Variants in ADGRB1 observed in about 807,000 individuals in gnomAD.
The protein encoded by ADGRB1 is adhesion G protein-coupled receptor B1, also known as brain-specific angiogenesis inhibitor 1.
ADGRB1 carries 36 observed loss-of-function variants against 175.7 expected under a neutral mutation model. The observed-to-expected ratio is 0.20, with a 90% CI of 0.16 to 0.27. The LOEUF is 0.27. Among genes scored for constraint, ADGRB1 ranks in the 10% least tolerant of loss-of-function variants. The pLI, the probability that ADGRB1 is intolerant of heterozygous loss-of-function variation, is 1.00. For synonymous variants in ADGRB1, 1,054 were observed against 979.4 expected (o/e 1.08, Z -1.42); for missense variants, 1,731 against 2,255.3 (o/e 0.77, Z 4.71).
intron 6 of ADGRB1, 78 bp from the exon 7 acceptor site, chr8:142,478,109 G>A: frequency 6.5e-7 from 1 of 1,537,308 alleles, no homozygotes; most frequent in Non-Finnish European, 8.8e-7. Context: ...AGCACCCAGG[G>A]TGCTCACACC....
At chr8:142,528,780 G>T (rs368151223) in intron 24 of ADGRB1, among the ~76,000 whole-genome samples, 1 of 152,042 alleles carries the variant, frequency 6.6e-6, no homozygotes, top group South Asian at 2.1e-4. Flanking sequence ...GGCCACTCCC[G>T]TCCCCCCGAT....
chr8:142,471,767 C>T (rs1180428774), intron 2 of ADGRB1, among the ~76,000 whole-genome samples: 6 of 152,212 alleles, frequency 3.9e-5, no homozygotes, highest in Non-Finnish European at 4.4e-5. Flanking sequence ...GCCTCTGTGG[C>T]GGGAGGAAGG....
chr8:142,498,943 G>A (rs979447853), intron 17 of ADGRB1, among the ~76,000 whole-genome samples: 1 of 152,136 alleles, frequency 6.6e-6, no homozygotes, highest in Non-Finnish European at 1.5e-5. Context: ...TGCCTCCCCG[G>A]GGCCCCAGCC....
At chr8:142,532,767 C>T (rs1452441402) in intron 24 of ADGRB1, among the ~76,000 whole-genome samples, 1 of 152,126 alleles carries the variant, frequency 6.6e-6, no homozygotes, top group Non-Finnish European at 1.5e-5. Context: ...TCGCCTGGGG[C>T]CTGTGGGCTC....
chr8:142,513,452 C>T (rs1843215791), intron 18 of ADGRB1, among the ~76,000 whole-genome samples: 1 of 152,332 alleles, frequency 6.6e-6, no homozygotes, highest in East Asian at 1.9e-4. Flanking sequence ...GGGCTGGCCC[C>T]CTTGATGCTG....
At chr8:142,519,804 ATGGTGT>A (rs1843665956) in intron 19 of ADGRB1, among the ~76,000 whole-genome samples, 2 of 120,116 alleles carry the variant, frequency 1.7e-5, no homozygotes, top group Non-Finnish European at 3.5e-5. Flanking sequence ...GGTGGTTGTG[ATGGTGT>A]TGGTGCTGGT....
intron 17 of ADGRB1, among the ~76,000 whole-genome samples, chr8:142,500,756 G>A (rs1221257445): frequency 1.3e-5 from 2 of 152,164 alleles, no homozygotes; most frequent in Admixed American, 1.3e-4. Context: ...TGAGCAAGGA[G>A]GGCAGAGTGG....
intron 2 of ADGRB1, among the ~76,000 whole-genome samples, chr8:142,466,416 G>C (rs1382366179): frequency 2.0e-5 from 3 of 152,240 alleles, no homozygotes; most frequent in African/African-American, 7.2e-5. Flanking sequence ...CCTCTGTGAG[G>C]CCGTGAGTGG....
Position 142,479,430 on chromosome 8 carries a change from G to A in ADGRB1, c.1669G>A (p.Ala557Thr). The part of the protein sequence containing the change: ...RVCSGPFFGG[A>T]ACQGPQDEYR... The stretch of plus-strand genomic sequence containing the variant: ...CTGCTCTGGGCCCTTCTTCGGGGGA[G>A]CAGCCTGCCAGGGCCCCCAGGATGA... Residue 557 changes from alanine (A) to threonine (T), a missense_variant, in exon 8 of 31, where the codon GCA becomes ACA. Physicochemically the swap from Ala to Thr is moderately conservative, Grantham distance 58. Transcript: ENST00000517894. The A allele has an allele frequency of 5.8e-6, 9 of 1,549,594 alleles. No homozygotes were observed. The highest frequency in any genetic ancestry group is 7.8e-6 in the Non-Finnish European group (9 of 1,153,280).
intron 23 of ADGRB1, 34 bp downstream of exon 23, chr8:142,524,338 C>T (rs756062384): frequency 7.1e-6 from 11 of 1,551,536 alleles, no homozygotes; most frequent in Non-Finnish European, 9.5e-6. Flanking sequence ...TCCCCACGAC[C>T]CCACCTGGGC....
intron 1 of ADGRB1, among the ~76,000 whole-genome samples, chr8:142,460,021 C>T (rs1329765872): frequency 6.6e-6 from 1 of 152,246 alleles, no homozygotes; most frequent in Non-Finnish European, 1.5e-5. Context: ...GCTAGACTGT[C>T]GGCCAACACT....
intron 10 of ADGRB1, 48 bp from the exon 11 acceptor site, chr8:142,481,469 G>T: frequency 1.2e-5 from 19 of 1,578,750 alleles, no homozygotes; most frequent in Non-Finnish European, 1.6e-5. Context: ...TGGCTGCCTG[G>T]ACATGTTCCA....
At position 142,511,808 on chromosome 8, in the gene ADGRB1, G is replaced by T. The variant is rs1285165800; in HGVS notation, c.2817+735G>T. On this transcript the variant is annotated intron_variant, in intron 18 of 30. Transcript: ENST00000517894. This position sits in a 1 kb window ranked among gnomAD's most constrained non-coding sequence, Gnocchi z 4.5. Reference sequence around the variant, plus strand: ...GCCACAGCCCTCTACTGGGGCCCAGGCCGAGGCCCAGGACAGCCCACAGAG... The same window carrying T: ...GCCACAGCCCTCTACTGGGGCCCAGTCCGAGGCCCAGGACAGCCCACAGAG... Among the ~76,000 whole-genome samples, 1 of 152,228 alleles carries T rather than the reference G, an allele frequency of 6.6e-6. No homozygotes were observed. The highest frequency in any genetic ancestry group is 2.4e-5 in the African/African-American group (1 of 41,454).
chr8:142,538,279 G>C (rs1217864221), intron 26 of ADGRB1, among the ~76,000 whole-genome samples: 2 of 152,234 alleles, frequency 1.3e-5, no homozygotes, highest in Non-Finnish European at 2.9e-5. Context: ...CCTCACAGTG[G>C]TTGTGAAGCT....
intron 25 of ADGRB1, among the ~76,000 whole-genome samples, chr8:142,535,186 A>G (rs1167220578): frequency 6.6e-6 from 1 of 152,238 alleles, no homozygotes; most frequent in Non-Finnish European, 1.5e-5. Flanking sequence ...CAAATCCCCA[A>G]GGACCAACTG....
chr8:142,508,968 G>C (rs1043465652), intron 17 of ADGRB1, among the ~76,000 whole-genome samples: 5 of 152,230 alleles, frequency 3.3e-5, no homozygotes, highest in African/African-American at 1.2e-4. Flanking sequence ...GCTCTGCCTT[G>C]TCTGTGATCT....
At position 142,510,946 on chromosome 8, in the gene ADGRB1, C is replaced by A. The variant is rs1843069065; in HGVS notation, c.2690C>A (p.Ala897Asp). ...WDETDVPSSS[A>D]PPQLGPWSWR... ...CCCGCCCCCAGACCCTCCTCCTCCG[C>A]CCCCCCGCAGCTCGGGCCCTGGTCG... Residue 897 changes from alanine to aspartate, a missense_variant, in exon 18 of 31, where the codon GCC (alanine) becomes GAC (aspartate). By Grantham distance (126) the Ala-to-Asp change is moderately radical. Transcript: ENST00000517894. This position sits in a 1 kb window ranked among gnomAD's most constrained non-coding sequence, Gnocchi z 6.3. 7.8e-7 allele frequency: 1 copy of A among 1,279,214 alleles called. No homozygotes were observed. 79.2% of individuals were successfully genotyped at this position (1,279,214 alleles called of 1,614,324 possible). A position where few individuals can be genotyped will look rare whatever the true frequency, so the allele number is the denominator to read the frequency against.
At position 142,478,251 on chromosome 8, in the gene ADGRB1, C is replaced by T. The variant is rs1476100457; in HGVS notation, c.1452C>T (p.Ser484=). 1.2e-6 allele frequency: 2 copies of T among 1,609,386 alleles called. No homozygotes were observed. Among genetic ancestry groups the T allele is most frequent in the Non-Finnish European group, 1.7e-6 (2 of 1,178,534 alleles). ...GGAGCGCCTGCTCCGCCAGCTGCTC[C>T]CAGGGCCGACAGCAGCGCACGCGTG... The part of the protein sequence containing the change: ...SSWSACSASC[S]QGRQQRTREC... Residue 484 remains serine (S), a synonymous_variant, in exon 7 of 31, where the codon TCC becomes TCT. Transcript: ENST00000517894.
At chr8:142,526,317 A>G (rs936247901) in intron 23 of ADGRB1, among the ~76,000 whole-genome samples, 5 of 152,124 alleles carry the variant, frequency 3.3e-5, no homozygotes, top group African/African-American at 4.8e-5. Flanking sequence ...AGAGGTGCCG[A>G]CGGTGCGGGT....
Sources: gnomAD v4.1 joint callset for allele counts (sites outside exome capture counted in the v4.1 genomes callset) on GRCh38, gnomAD v4.1.1 for gene constraint, Gnocchi (gnomAD v3.1) non-coding constraint, MANE v1.5 for transcripts, NCBI Gene and HGNC (gene_info 2026-07-23, HGNC 2026-07-21) for gene names.